MGAM: variants seen among roughly 807,000 people sequenced by gnomAD.
MGAM encodes the protein maltase-glucoamylase, also known as alpha-1,4-glucosidase.
A neutral mutation model predicts 358.8 loss-of-function variants in MGAM; 253 were observed. That is an observed-to-expected ratio of 0.71 (90% confidence interval 0.64 to 0.78). MGAM has a LOEUF of 0.78. Among genes scored for constraint, MGAM ranks in the 30% least tolerant of loss-of-function variants. The pLI, the probability that MGAM is intolerant of heterozygous loss-of-function variation, is 0.00. For synonymous variants in MGAM, 1,105 were observed against 1,227.1 expected, an observed-to-expected ratio of 0.90 and a Z score of 2.08; for missense variants, 3,080 against 3,432.6, an observed-to-expected ratio of 0.90 and a Z score of 2.57.
intron 66 of MGAM, among the ~76,000 whole-genome samples, chr7:142,099,310 A>G (rs1380132344): frequency 6.6e-6 from 1 of 152,170 alleles, no homozygotes; most frequent in African/African-American, 2.4e-5. Flanking sequence ...AACATGTAGG[A>G]TGGAAGCATG....
chr7:142,050,268 A>G lies in MGAM; in HGVS notation c.2621A>G (p.Glu874Gly). 6.2e-7 allele frequency: 1 copy of G among 1,613,602 alleles called. No homozygotes were observed. Among genetic ancestry groups the G allele is most frequent in the Non-Finnish European group, 8.5e-7 (1 of 1,179,706 alleles). ...GCCAATAAAGTGTATCTTTTATGTGAGTTTTCTGTCACTCAAGTGAGTAGC... is the reference window on the plus strand; with the variant it reads ...GCCAATAAAGTGTATCTTTTATGTGGGTTTTCTGTCACTCAAGTGAGTAGC... ...TVANKVYLLC[E>G]FSVTQNRLEV... Residue 874 changes from glutamate to glycine, a missense_variant, in exon 23 of 71, where the codon GAG becomes GGG. Coordinates refer to ENST00000475668, the MANE Select transcript of MGAM (RefSeq NM_001365693.1).
chr7:142,088,793 CT>C (rs1815047000), intron 57 of MGAM, among the ~76,000 whole-genome samples: 1 of 132,274 alleles, frequency 7.6e-6, no homozygotes, highest in African/African-American at 2.6e-5. Context: ...ATCTATCTAT[CT>C]ATCTATCATT....
intron 27 of MGAM, 118 bp from the exon 28 acceptor site, chr7:142,055,440 T>C (rs1811415485): frequency 1.6e-6 from 2 of 1,242,650 alleles, no homozygotes; most frequent in Non-Finnish European, 2.3e-6. Context: ...CAGTTTTGTT[T>C]GGGATATGAA....
chr7:142,072,970 T>A (rs957914953), intron 44 of MGAM, among the ~76,000 whole-genome samples: 1 of 146,570 alleles, frequency 6.8e-6, no homozygotes, highest in Non-Finnish European at 1.5e-5. Context: ...CTTGAGTATA[T>A]TCCTTACTGT....
rs1482942710 is a variant in MGAM at position 142,060,688 on chromosome 7, C to T, written c.4122+315C>T. 2.6e-5 allele frequency among the ~76,000 whole-genome samples: 4 copies of T among 152,062 alleles called. No homozygotes were observed. The East Asian group carries it at 5.8e-4, about 22-fold the overall frequency. On this transcript the variant is annotated intron_variant, in intron 34 of 70. Transcript: ENST00000475668. Reference sequence around the variant, plus strand: ...TCAGATTCCAAAGGCCCAAGAAATTCCCACTGGGCGATACCTCCTAGCAGT... The same window carrying T: ...TCAGATTCCAAAGGCCCAAGAAATTTCCACTGGGCGATACCTCCTAGCAGT...
At position 142,094,529 on chromosome 7, in the gene MGAM, T is replaced by C. The variant is rs550410947; in HGVS notation, c.7306+32T>C. On this transcript the variant is annotated intron_variant, in intron 61 of 70. Coordinates refer to ENST00000475668, the MANE Select transcript of MGAM (RefSeq NM_001365693.1). ...GGGTCCTTCCCAGGGCCTGTGCCGG[T>C]AGGGCAGGGAGTTGGGATCCTTGGG... The C allele has an allele frequency of 2.1e-5, 32 of 1,554,602 alleles. 1 individual carries two copies. Among genetic ancestry groups the C allele is most frequent in the African/African-American group, 1.6e-4 (12 of 74,662 alleles).
chr7:142,034,282 T>G lies in MGAM; in HGVS notation c.1690T>G (p.Phe564Val). 1.3e-6 allele frequency: 2 copies of G among 1,595,658 alleles called. No homozygotes were observed. The highest frequency in any genetic ancestry group is 1.7e-6 in the Non-Finnish European group (2 of 1,170,650). The change falls in exon 15 of 71, where the codon TTC (phenylalanine) becomes GTC (valine). Residue 564 changes from phenylalanine (F) to valine (V), a missense_variant. By Grantham distance (50) the Phe-to-Val change is conservative (BLOSUM62 -1). Coordinates refer to ENST00000475668, the MANE Select transcript of MGAM (RefSeq NM_001365693.1). ...TTCAGGAATCCTGGATGGGTACCTG[T>G]TCTGCAAGACTCTCTGTATGGATGC... ...FTPRILDGYLFCKTLCMDAVQ... is the reference protein window; with the variant it reads ...FTPRILDGYLVCKTLCMDAVQ...
chr7:142,048,073 T>C (rs1810557550), intron 22 of MGAM, among the ~76,000 whole-genome samples, 200 bp downstream of exon 22: 1 of 152,108 alleles, frequency 6.6e-6, no homozygotes, highest in Non-Finnish European at 1.5e-5. Context: ...CATTTCTATC[T>C]CTGGCAATTC....
chr7:142,094,185 C>T (rs764999234), intron 60 of MGAM, among the ~76,000 whole-genome samples, 179 bp from the exon 61 acceptor site: 2 of 146,128 alleles, frequency 1.4e-5, no homozygotes, highest in East Asian at 2.0e-4. Context: ...TGTGAGAACA[C>T]GTGACTCGTT....
rs1813788023 is a variant in MGAM, at chr7:142,076,837, A to G, written c.5493+11A>G. On this transcript the variant is annotated intron_variant, in intron 47 of 70. Coordinates refer to ENST00000475668, the MANE Select transcript of MGAM (RefSeq NM_001365693.1). Reference sequence around the variant, plus strand: ...GATTCTAACCTGAAGGTAAAAACCCATTTTGTTGAGATGGTACATTGAGAA... The same window carrying G: ...GATTCTAACCTGAAGGTAAAAACCCGTTTTGTTGAGATGGTACATTGAGAA... The G allele has an allele frequency of 1.3e-6, 2 of 1,549,014 alleles. No individual in the cohort carries two copies. Among genetic ancestry groups the G allele is most frequent in the South Asian group, 1.1e-5 (1 of 88,954 alleles).
At chr7:142,077,021 T>G (rs1424516897) in intron 47 of MGAM, among the ~76,000 whole-genome samples, 195 bp downstream of exon 47, 1 of 145,204 alleles carries the variant, frequency 6.9e-6, no homozygotes, top group African/African-American at 2.4e-5. Context: ...AGTTGGGTAT[T>G]TTTCTTCTTA....
intron 21 of MGAM, among the ~76,000 whole-genome samples, chr7:142,045,433 T>C (rs1205904001): frequency 9.0e-6 from 1 of 111,620 alleles, no homozygotes; most frequent in African/African-American, 3.7e-5. Context: ...TAATACATGA[T>C]ATATTATATA....
chr7:142,029,654 A>G (rs2129002591), intron 10 of MGAM, among the ~76,000 whole-genome samples: 1 of 152,326 alleles, frequency 6.6e-6, no homozygotes, highest in East Asian at 1.9e-4. Context: ...TAAGTGAATG[A>G]AAGGATATAG....
chr7:142,061,976 T>C (rs1812245788), intron 34 of MGAM, among the ~76,000 whole-genome samples: 1 of 152,232 alleles, frequency 6.6e-6, no homozygotes, highest in Non-Finnish European at 1.5e-5. Context: ...GCTTTTATTA[T>C]GTGAGGGTAG....
At position 142,080,069 on chromosome 7, in the gene MGAM, T is replaced by C. The variant is rs1029965743; in HGVS notation, c.5848-722T>C. On this transcript the variant is annotated intron_variant, in intron 49 of 70. Transcript: ENST00000475668. The stretch of plus-strand genomic sequence containing the variant: ...GTTGTTATTCTTCACCAGAATGACT[T>C]GATCTCTTTTCTGTGTTTGGTTAAT... Among the ~76,000 whole-genome samples the C allele has an allele frequency of 3.5e-4, 52 of 146,796 alleles. 3 individuals carry two copies. Among genetic ancestry groups the C allele is most frequent in the Admixed American group, 3.5e-3 (51 of 14,660 alleles).
At chr7:142,079,052 G>A in intron 49 of MGAM, 44 bp downstream of exon 49, 2 of 1,452,578 alleles carry the variant, frequency 1.4e-6, no homozygotes, top group Non-Finnish European at 1.9e-6. Context: ...ACCCTTTTCA[G>A]TTCCATTATC....
chr7:142,100,319 T>C (rs1252420910), intron 67 of MGAM, among the ~76,000 whole-genome samples: 1 of 152,174 alleles, frequency 6.6e-6, no homozygotes, highest in East Asian at 1.9e-4. Flanking sequence ...TTGCTCAGAG[T>C]CACACAGCTA....
chr7:142,035,831 A>G (rs1398833422), intron 16 of MGAM, among the ~76,000 whole-genome samples: 2 of 152,184 alleles, frequency 1.3e-5, no homozygotes, highest in African/African-American at 2.4e-5. Flanking sequence ...GGTGAGGTCA[A>G]AATAATAATA....
At chr7:142,104,346 C>T (rs1387699800) in intron 70 of MGAM, among the ~76,000 whole-genome samples, 1 of 152,094 alleles carries the variant, frequency 6.6e-6, no homozygotes, top group Admixed American at 6.5e-5. Context: ...GCTTAACCAA[C>T]TTGTATCGTA....
Sources: gnomAD v4.1 joint callset for allele counts (sites outside exome capture counted in the v4.1 genomes callset) on GRCh38, gnomAD v4.1.1 for gene constraint, MANE v1.5 for transcripts, NCBI Gene and HGNC (gene_info 2026-07-23, HGNC 2026-07-21) for gene names.